Variants in AGBL1 observed in about 807,000 individuals in gnomAD.
The protein encoded by AGBL1 is cytosolic carboxypeptidase 4.
AGBL1 carries 130 observed loss-of-function variants against 118.9 expected under a neutral mutation model. The observed-to-expected ratio is 1.09, with a 90% CI of 0.95 to 1.26. AGBL1 has a LOEUF of 1.26. Ranked by LOEUF, AGBL1 falls within the 50% of genes most tolerant of loss-of-function variation. The pLI, the probability that AGBL1 is intolerant of heterozygous loss-of-function variation, is 0.00. For missense variants in AGBL1, 1,584 were observed against 1,298.1 expected, an observed-to-expected ratio of 1.22 and a Z score of -3.38; for synonymous variants, 555 against 478.9, an observed-to-expected ratio of 1.16 and a Z score of -2.08.
At chr15:86,600,780 A>C (rs1213074192) in intron 21 of AGBL1, among the ~76,000 whole-genome samples, 2 of 152,188 alleles carry the variant, frequency 1.3e-5, no homozygotes, top group African/African-American at 4.8e-5. Context: ...AGCAGTATCA[A>C]AATCAGAGAA....
At chr15:86,317,677 T>C (rs1381836384) in intron 17 of AGBL1, among the ~76,000 whole-genome samples, 3 of 152,212 alleles carry the variant, frequency 2.0e-5, no homozygotes, top group Admixed American at 6.5e-5. Context: ...ACAAACTTTT[T>C]CTGTAAAGGG....
chr15:86,129,515 G>A (rs527511618), intron 1 of AGBL1, among the ~76,000 whole-genome samples: 1 of 152,312 alleles, frequency 6.6e-6, no homozygotes, highest in Non-Finnish European at 1.5e-5. Context: ...TTTACCGGGA[G>A]GAATAGTATG....
chr15:86,979,153 T>C (rs1468357743), intron 23 of AGBL1, among the ~76,000 whole-genome samples: 1 of 152,192 alleles, frequency 6.6e-6, no homozygotes, highest in Non-Finnish European at 1.5e-5. Context: ...TTTTGGTCAC[T>C]TGTCCTTAAA....
chr15:86,642,453 C>G (rs2085208140), intron 21 of AGBL1, among the ~76,000 whole-genome samples: 1 of 151,656 alleles, frequency 6.6e-6, no homozygotes, highest in African/African-American at 2.4e-5. Flanking sequence ...TTTTTTCTTC[C>G]AGCGTTTCAC....
chr15:86,788,779 C>A (rs187614296), intron 22 of AGBL1, among the ~76,000 whole-genome samples: 102 of 152,234 alleles, frequency 6.7e-4, no homozygotes, highest in African/African-American at 2.3e-3. Flanking sequence ...TGGTCGAAGG[C>A]CTCTCTAAGG....
At chr15:86,223,979 C>T (rs1262636648) in intron 5 of AGBL1, among the ~76,000 whole-genome samples, 1 of 152,076 alleles carries the variant, frequency 6.6e-6, no homozygotes, top group Non-Finnish European at 1.5e-5. Context: ...CAGCGAGATT[C>T]CTGGGATTGG....
At chr15:86,692,583 A>C (rs888841666) in intron 22 of AGBL1, among the ~76,000 whole-genome samples, 10 of 152,092 alleles carry the variant, frequency 6.6e-5, no homozygotes, top group African/African-American at 2.4e-4. Context: ...CTAACTTCTT[A>C]CTAACTTACT....
intron 21 of AGBL1, among the ~76,000 whole-genome samples, chr15:86,632,837 C>T (rs534961166): frequency 6.6e-6 from 1 of 151,920 alleles, no homozygotes; most frequent in East Asian, 1.9e-4. Context: ...AAAGGTTTTG[C>T]TAATACTACT....
At chr15:86,448,290 C>T (rs941403895) in intron 18 of AGBL1, among the ~76,000 whole-genome samples, 5 of 152,286 alleles carry the variant, frequency 3.3e-5, no homozygotes, top group African/African-American at 7.2e-5. Context: ...TGTTTACGAA[C>T]GCCATTTCCT....
At chr15:86,989,357 T>C (rs941888118) in intron 24 of AGBL1, among the ~76,000 whole-genome samples, 1 of 152,142 alleles carries the variant, frequency 6.6e-6, no homozygotes, top group Non-Finnish European at 1.5e-5. Context: ...GTCTGATGGA[T>C]TTTTGGTAGA....
chr15:86,808,968 C>T (rs1156814894), intron 22 of AGBL1, among the ~76,000 whole-genome samples: 1 of 152,026 alleles, frequency 6.6e-6, no homozygotes, highest in Non-Finnish European at 1.5e-5. Context: ...GTGTGAGATA[C>T]TGATGAATGG....
At chr15:86,083,574 A>C (rs1160967283) in intron 1 of AGBL1, 1 of 152,052 alleles carries the variant, frequency 6.6e-6, no homozygotes. Context: ...TGGATTATGA[A>C]TGAGGCTGCA....
chr15:86,319,491 C>A (rs190296784), intron 17 of AGBL1, among the ~76,000 whole-genome samples: 18 of 152,188 alleles, frequency 1.2e-4, no homozygotes, highest in African/African-American at 3.9e-4. Flanking sequence ...TCCCTCCCCC[C>A]ACATTTTGCT....
chr15:86,825,282 A>G (rs888867302), intron 22 of AGBL1, among the ~76,000 whole-genome samples: 1 of 151,414 alleles, frequency 6.6e-6, no homozygotes, highest in African/African-American at 2.4e-5. Flanking sequence ...TACCAAAAGC[A>G]TGATCCATAA....
chr15:86,606,017 C>T (rs1267637002), intron 21 of AGBL1, among the ~76,000 whole-genome samples: 1 of 149,666 alleles, frequency 6.7e-6, no homozygotes, highest in Non-Finnish European at 1.5e-5. Flanking sequence ...ATCCCAGCTA[C>T]TAGAGAGGCT....
intron 22 of AGBL1, among the ~76,000 whole-genome samples, chr15:86,895,793 T>G (rs547029596): frequency 2.0e-5 from 3 of 152,186 alleles, no homozygotes; most frequent in Non-Finnish European, 4.4e-5. Flanking sequence ...GATCTAAATG[T>G]CCCTTATTTA....
At chr15:86,798,965 G>A (rs2078611880) in intron 22 of AGBL1, among the ~76,000 whole-genome samples, 1 of 151,882 alleles carries the variant, frequency 6.6e-6, no homozygotes, top group African/African-American at 2.4e-5. Flanking sequence ...GGCATTCTGA[G>A]GAAAATTAAA....
chr15:86,724,781 C>T (rs1390601266), intron 22 of AGBL1, among the ~76,000 whole-genome samples: 6 of 151,996 alleles, frequency 3.9e-5, no homozygotes, highest in Admixed American at 2.0e-4. Flanking sequence ...TTGTAAGACC[C>T]GGTTGTTTAA....
At chr15:86,391,350 C>T (rs2081281442) in intron 17 of AGBL1, among the ~76,000 whole-genome samples, 1 of 151,870 alleles carries the variant, frequency 6.6e-6, no homozygotes, top group Non-Finnish European at 1.5e-5. Flanking sequence ...TTTTGGAAAA[C>T]GTAGCATGTG....
Sources: gnomAD v4.1 joint callset for allele counts (sites outside exome capture counted in the v4.1 genomes callset) on GRCh38, gnomAD v4.1.1 for gene constraint, MANE v1.5 for transcripts, NCBI Gene and HGNC (gene_info 2026-07-23, HGNC 2026-07-21) for gene names.